Variants in RGS13 observed in about 807,000 individuals in gnomAD.
The protein encoded by RGS13 is regulator of G protein signaling 13.
A neutral mutation model predicts 19.9 loss-of-function variants in RGS13; 14 were observed. The ratio of observed to expected loss-of-function variants is 0.70; its 90% CI spans 0.46 to 1.10. RGS13 has a LOEUF of 1.10. Ranked by LOEUF, RGS13 falls within the 50% of genes least tolerant of loss-of-function variation. The probability of loss-of-function intolerance (pLI) is 0.00; values close to 1 mark genes in which losing one functional copy is unlikely to be tolerated. For synonymous variants in RGS13, 60 were observed against 56.8 expected (o/e 1.06, Z -0.25); for missense variants, 205 against 187.1 (o/e 1.10, Z -0.56).
At chr1:192,654,091 T>TA (rs1209497351) in intron 5 of RGS13, among the ~76,000 whole-genome samples, 1 of 151,780 alleles carries the variant, frequency 6.6e-6, no homozygotes, top group East Asian at 1.9e-4. Flanking sequence ...CCCTAGAACT[T>TA]AAAGTATAAT....
intron 5 of RGS13, among the ~76,000 whole-genome samples, chr1:192,656,345 GTT>G (rs10544389): frequency 1.2e-3 from 165 of 141,194 alleles, no homozygotes; most frequent in African/African-American, 4.0e-3. Flanking sequence ...TTAACATTCT[GTT>G]TTTTTTTTTT....
At chr1:192,642,840 T>C (rs1236425184) in intron 3 of RGS13, among the ~76,000 whole-genome samples, 1 of 151,974 alleles carries the variant, frequency 6.6e-6, no homozygotes, top group Non-Finnish European at 1.5e-5. Flanking sequence ...CAAGTCCCCA[T>C]CACATTTCGG....
At chr1:192,647,669 G>C (rs1338210199) in intron 4 of RGS13, 1 of 180,054 alleles carries the variant, frequency 5.6e-6, no homozygotes, top group Non-Finnish European at 1.1e-5. Context: ...GAGATTATAG[G>C]ACTATGGTTC....
chr1:192,657,302 C>CA (rs3215733), intron 5 of RGS13, among the ~76,000 whole-genome samples: 65,030 of 151,088 alleles, frequency 0.43, 14,935 homozygotes, highest in East Asian at 0.65. Flanking sequence ...CTAGTCTAGT[C>CA]AAAAAAAAAT....
rs778307025 is a variant in RGS13 at position 192,644,387 on chromosome 1, G to T, written c.53G>T (p.Arg18Met). Reference sequence around the variant, plus strand: ...AAGATGTGCAGAGATGAATCTAAGAGGCCCCCTTCAAAGTAAGTAGCATTT... The same window carrying T: ...AAGATGTGCAGAGATGAATCTAAGATGCCCCCTTCAAAGTAAGTAGCATTT... The part of the protein sequence containing the change: ...ICKMCRDESK[R>M]PPSNLTLEEV... The change falls in exon 4 of 7, where the codon AGG (arginine) becomes ATG (methionine). Residue 18 changes from arginine (R) to methionine (M), a missense_variant. Coordinates refer to ENST00000391995, the MANE Select transcript of RGS13 (RefSeq NM_002927.5). The T allele has an allele frequency of 1.9e-6, 3 of 1,610,630 alleles. No individual in the cohort carries two copies. The highest frequency in any genetic ancestry group is 8.5e-7 in the Non-Finnish European group (1 of 1,177,704).
intron 4 of RGS13, 38 bp downstream of exon 4, chr1:192,644,437 A>ATATTTATCAGATGATAAATATGTACC: frequency 7.1e-7 from 1 of 1,412,236 alleles, no homozygotes; most frequent in Non-Finnish European, 1.0e-6. Flanking sequence ...ATTGTAAAGC[A>ATATTTATCAGATGATAAATATGTACC]TATTTATCAG....
In RGS13 at chr1:192,647,977, G is replaced by A. The variant is rs764590448; in HGVS notation, c.117G>A (p.Met39Ile). The change falls in exon 5 of 7, where the codon ATG (methionine) becomes ATA (isoleucine). Residue 39 changes from methionine to isoleucine, a missense_variant. Met to Ile is a conservative substitution (Grantham distance 10). Coordinates refer to ENST00000391995, the MANE Select transcript of RGS13 (RefSeq NM_002927.5). ...LQWAQSFENL[M>I]ATKYGPVVYA... Reference sequence around the variant, plus strand: ...GGGCCCAGTCTTTTGAAAATTTAATGGCTACAAAATGTGAGTATTGCGTAT... The same window carrying A: ...GGGCCCAGTCTTTTGAAAATTTAATAGCTACAAAATGTGAGTATTGCGTAT... 6.3e-7 allele frequency: 1 copy of A among 1,596,292 alleles called. No individual in the cohort carries two copies. Among genetic ancestry groups the A allele is most frequent in the Non-Finnish European group, 8.6e-7 (1 of 1,169,552 alleles).
Position 192,656,959 on chromosome 1 carries a change from C to A in RGS13, c.128-1242C>A, listed in dbSNP as rs116488072. On this transcript the variant is annotated intron_variant, in intron 5 of 6. Coordinates refer to ENST00000391995, the MANE Select transcript of RGS13 (RefSeq NM_002927.5). Reference sequence around the variant, plus strand: ...TCCAGGAAAATATGATCTTACTCATCATTTCCATTCCATCTGGCTACCATT... The same window carrying A: ...TCCAGGAAAATATGATCTTACTCATAATTTCCATTCCATCTGGCTACCATT... 3.1e-3 allele frequency among the ~76,000 whole-genome samples: 470 copies of A among 152,174 alleles called. 3 individuals carry two copies. Among genetic ancestry groups the A allele is most frequent in the African/African-American group, 0.011 (460 of 41,542 alleles).
chr1:192,641,306 G>GAAAGAAAGAAAGAA (rs201039158), intron 3 of RGS13, among the ~76,000 whole-genome samples: 26 of 105,536 alleles, frequency 2.5e-4, no homozygotes, highest in East Asian at 1.3e-3. Flanking sequence ...AAGAAAGAAA[G>GAAAGAAAGAAAGAA]AAAAGAAAGA....
chr1:192,647,754 A>C (rs935975858), intron 4 of RGS13, 172 bp from the exon 5 acceptor site: 1 of 306,668 alleles, frequency 3.3e-6, no homozygotes, highest in Non-Finnish European at 6.0e-6. Flanking sequence ...AAATTTAAAT[A>C]GTAAAAATAA....
rs765144143 is a variant in RGS13 at position 192,659,442 on chromosome 1, A to G, written c.399A>G (p.Glu133=). Residue 133 remains glutamate, a synonymous_variant, in exon 7 of 7, where the codon GAA becomes GAG. Coordinates refer to ENST00000391995, the MANE Select transcript of RGS13 (RefSeq NM_002927.5). ...EAQKIVYMHM[E]RDSYPRFLKS... is the part of the protein sequence containing the mutation. ...AGAAAATAGTCTATATGCATATGGA[A>G]AGGGATTCCTACCCCAGATTTCTAA... 1.6e-5 allele frequency: 26 copies of G among 1,612,930 alleles called. No homozygotes were observed. The highest frequency in any genetic ancestry group is 2.1e-5 in the Non-Finnish European group (25 of 1,179,362).
chr1:192,657,094 G>T (rs1213900801), intron 5 of RGS13, among the ~76,000 whole-genome samples: 1 of 151,996 alleles, frequency 6.6e-6, no homozygotes, highest in African/African-American at 2.4e-5. Flanking sequence ...GGTTTCTTGG[G>T]TGTATACTTA....
intron 5 of RGS13, among the ~76,000 whole-genome samples, chr1:192,656,187 C>T (rs1198087945): frequency 6.6e-6 from 1 of 152,064 alleles, no homozygotes. Context: ...TACTCATCCA[C>T]TCAACCCATC....
At position 192,644,345 on chromosome 1, in the gene RGS13, G is replaced by T. The variant is rs61741287; in HGVS notation, c.11G>T (p.Arg4Leu). 6.2e-7 allele frequency: 1 copy of T among 1,609,840 alleles called. No homozygotes were observed. The highest frequency in any genetic ancestry group is 8.5e-7 in the Non-Finnish European group (1 of 1,177,178). The change falls in exon 4 of 7, where the codon CGG becomes CTG. Residue 4 changes from arginine (R) to leucine (L), a missense_variant. Arg to Leu is a moderately radical substitution (Grantham distance 102). Coordinates refer to ENST00000391995, the MANE Select transcript of RGS13 (RefSeq NM_002927.5). ...TATTTCCTTAGAAAAATGAGCAGGC[G>T]GAATTGTTGGATTTGTAAGATGTGC... MSR[R>L]NCWICKMCRD...
rs1432637925 is a variant in RGS13 at position 192,639,928 on chromosome 1, AATTTC to A, written c.-5+1729_-5+1733del. On this transcript the variant is annotated intron_variant, in intron 3 of 6. Coordinates refer to ENST00000391995, the MANE Select transcript of RGS13 (RefSeq NM_002927.5). The stretch of plus-strand genomic sequence containing the variant: ...ATACTAAGACCATTCTGCTTTTGCC[AATTTC>A]ATTAAATTTATAAAAGAAAATATGA... Among the ~76,000 whole-genome samples the A allele has an allele frequency of 7.2e-5, 11 of 152,284 alleles. No individual in the cohort carries two copies. In the East Asian group the frequency reaches 2.1e-3, roughly 29 times the overall value.
intron 3 of RGS13, among the ~76,000 whole-genome samples, chr1:192,640,876 C>T (rs1663091681): frequency 6.6e-6 from 1 of 152,152 alleles, no homozygotes; most frequent in African/African-American, 2.4e-5. Flanking sequence ...CCTTCTTCTT[C>T]AGGAACCTGA....
chr1:192,638,429 A>G (rs1663050311), intron 3 of RGS13, among the ~76,000 whole-genome samples: 1 of 151,912 alleles, frequency 6.6e-6, no homozygotes, highest in African/African-American at 2.4e-5. Flanking sequence ...AGTATTTTTT[A>G]ATTTATCTCT....
chr1:192,659,736 T>TC lies in RGS13; in HGVS notation c.*213_*214insC. ...TAACAAAATGTACAGCAAGCCTATG[T>TC]AGTTCAATTAATATATAAGGAAAAG... On this transcript the variant is annotated 3_prime_UTR_variant, in exon 7 of 7. Coordinates refer to ENST00000391995, the MANE Select transcript of RGS13 (RefSeq NM_002927.5). 2.3e-6 allele frequency: 1 copy of TC among 435,532 alleles called. No homozygotes were observed. Among genetic ancestry groups the TC allele is most frequent in the Non-Finnish European group, 4.0e-6 (1 of 249,104 alleles). The allele number at this position is 435,532 out of a possible 1,614,324, so 27.0% of individuals were successfully genotyped here.
chr1:192,642,506 T>C (rs1258692895), intron 3 of RGS13, among the ~76,000 whole-genome samples: 1 of 151,662 alleles, frequency 6.6e-6, no homozygotes, highest in Non-Finnish European at 1.5e-5. Context: ...TTTCTTTTTG[T>C]TGGAGAGACA....
Sources: allele counts gnomAD v4.1 joint callset (sites outside exome capture counted in the v4.1 genomes callset), GRCh38; gene constraint gnomAD v4.1.1; transcripts MANE v1.5; gene names NCBI Gene and HGNC (gene_info 2026-07-23, HGNC 2026-07-21).